ENTREP2: variants seen among roughly 807,000 people sequenced by gnomAD.
ENTREP2 encodes the protein protein ENTREP2.
the ENTREP2 span, among the ~76,000 whole-genome samples, chr15:29,176,435 T>C: frequency 6.6e-5 from 10 of 152,062 alleles, no homozygotes; most frequent in Middle Eastern, 3.4e-3. Context: ...ATGGTGACAA[T>C]AATTTTAAGA....
chr15:29,457,880 G>A, the ENTREP2 span, among the ~76,000 whole-genome samples: 2 of 152,128 alleles, frequency 1.3e-5, no homozygotes, highest in African/African-American at 4.8e-5. Flanking sequence ...CCTACTGCCT[G>A]TAGCCTGCAG....
chr15:29,323,822 G>GTT, the ENTREP2 span, among the ~76,000 whole-genome samples: 1 of 152,160 alleles, frequency 6.6e-6, no homozygotes, highest in Non-Finnish European at 1.5e-5. Context: ...TCGTTGTGCT[G>GTT]TGAGAGCAGA....
chr15:29,136,981 C>T, the ENTREP2 span: 4 of 1,364,948 alleles, frequency 2.9e-6, no homozygotes, highest in South Asian at 5.5e-5. Flanking sequence ...ACCACCCGGA[C>T]ACTGCTGCCC....
the ENTREP2 span, among the ~76,000 whole-genome samples, chr15:29,225,890 T>A: frequency 4.6e-5 from 7 of 152,290 alleles, no homozygotes; most frequent in Non-Finnish European, 1.0e-4. Flanking sequence ...ATTGGCCACG[T>A]CCACCACACC....
chr15:29,533,182 C>T, the ENTREP2 span, among the ~76,000 whole-genome samples: 2 of 152,196 alleles, frequency 1.3e-5, no homozygotes, highest in Non-Finnish European at 2.9e-5. Context: ...AGGAAGCACC[C>T]GCCCAGCAGG....
chr15:29,590,064 A>G, the ENTREP2 span, among the ~76,000 whole-genome samples: 1 of 152,138 alleles, frequency 6.6e-6, no homozygotes, highest in East Asian at 1.9e-4. Context: ...CCAACACAAA[A>G]AATGATCAGA....
chr15:29,307,763 T>C, the ENTREP2 span, among the ~76,000 whole-genome samples: 3 of 152,180 alleles, frequency 2.0e-5, no homozygotes, highest in African/African-American at 4.8e-5. Context: ...GAAAAGGCTA[T>C]GTAAAGACAC....
the ENTREP2 span, among the ~76,000 whole-genome samples, chr15:29,162,915 C>G: frequency 3.3e-5 from 5 of 152,120 alleles, no homozygotes; most frequent in East Asian, 9.7e-4. Flanking sequence ...CTGCACACCC[C>G]CCACCACCTC....
At chr15:29,494,303 A>G in the ENTREP2 span, among the ~76,000 whole-genome samples, 1 of 152,228 alleles carries the variant, frequency 6.6e-6, no homozygotes, top group Admixed American at 6.5e-5. Context: ...ACCTAGAAAA[A>G]AACTAAGACA....
the ENTREP2 span, among the ~76,000 whole-genome samples, chr15:29,502,305 T>A: frequency 0.011 from 1,713 of 151,994 alleles, 28 homozygotes; most frequent in African/African-American, 0.039. Context: ...TATGGCCAAG[T>A]AACTTTCAAC....
At chr15:29,204,400 G>A in the ENTREP2 span, among the ~76,000 whole-genome samples, 1 of 152,210 alleles carries the variant, frequency 6.6e-6, no homozygotes, top group Non-Finnish European at 1.5e-5. Context: ...AGGCAGTGTG[G>A]GAAGGCTGAG....
chr15:29,433,108 C>T, the ENTREP2 span, among the ~76,000 whole-genome samples: 1 of 152,192 alleles, frequency 6.6e-6, no homozygotes, highest in Admixed American at 6.5e-5. Flanking sequence ...AGGAACCTGC[C>T]TGGGCCAGCC....
chr15:29,135,710 C>T, the ENTREP2 span, among the ~76,000 whole-genome samples: 3 of 152,212 alleles, frequency 2.0e-5, no homozygotes, highest in African/African-American at 7.2e-5. This position sits in a 1 kb window ranked among gnomAD's most constrained non-coding sequence, Gnocchi z 7.4. Context: ...CTGCCTGTCA[C>T]GTGTCAGGCA....
chr15:29,552,837 T>C, the ENTREP2 span, among the ~76,000 whole-genome samples: 1 of 152,058 alleles, frequency 6.6e-6, no homozygotes, highest in South Asian at 2.1e-4. Context: ...AGCAAAACCA[T>C]TGAGAAAACA....
the ENTREP2 span, chr15:29,269,595 C>T: frequency 1.3e-6 from 2 of 1,553,730 alleles, no homozygotes; most frequent in Non-Finnish European, 1.7e-6. Context: ...CTCTGAGAAC[C>T]CGGGCGTCTT....
chr15:29,489,662 A>C, the ENTREP2 span, among the ~76,000 whole-genome samples: 13 of 152,240 alleles, frequency 8.5e-5, no homozygotes, highest in Admixed American at 5.9e-4. Flanking sequence ...GTCTCTCTGG[A>C]TATCCCATGC....
chr15:29,631,784 G>A, the ENTREP2 span, among the ~76,000 whole-genome samples: 1 of 152,222 alleles, frequency 6.6e-6, no homozygotes, highest in African/African-American at 2.4e-5. Flanking sequence ...AGTAGGGAAG[G>A]AACTTGCTGC....
chr15:29,159,204 G>A, the ENTREP2 span, among the ~76,000 whole-genome samples: 1 of 151,962 alleles, frequency 6.6e-6, no homozygotes, highest in South Asian at 2.1e-4. Flanking sequence ...TTGTGGTCTC[G>A]CTGGCCTAGG....
the ENTREP2 span, chr15:29,375,014 G>T: frequency 6.6e-6 from 1 of 152,014 alleles, no homozygotes; most frequent in Admixed American, 6.6e-5. Flanking sequence ...ATAGACATTA[G>T]GAATGTTATC....
Sources: gnomAD v4.1 joint callset for allele counts (sites outside exome capture counted in the v4.1 genomes callset) on GRCh38, gnomAD v4.1.1 for gene constraint, Gnocchi (gnomAD v3.1) non-coding constraint, MANE v1.5 for transcripts, NCBI Gene and HGNC (gene_info 2026-07-23, HGNC 2026-07-21) for gene names.